ACE: variants seen among roughly 807,000 people sequenced by gnomAD.
ACE encodes angiotensin-converting enzyme.
A neutral mutation model predicts 162.3 loss-of-function variants in ACE; 122 were observed. That is an observed-to-expected ratio of 0.75 (90% CI 0.65 to 0.87). ACE has a LOEUF of 0.87. Ranked by LOEUF, ACE falls within the 40% of genes least tolerant of loss-of-function variation. The pLI is 0.00. For missense variants in ACE, 1,799 were observed against 1,735.1 expected (o/e 1.04, Z -0.65); for synonymous variants, 796 against 720.6 (o/e 1.10, Z -1.68).
At chr17:63,483,648 G>A in intron 10 of ACE, 90 bp downstream of exon 10, 1 of 1,360,220 alleles carries the variant, frequency 7.4e-7, no homozygotes, top group Non-Finnish European at 1.0e-6. Context: ...CATCCCCAGG[G>A]CTTGTCCCCA....
chr17:63,488,931 C>T lies in ACE; in HGVS notation c.2450-10C>T, dbSNP rs753983195. 4 of 1,613,830 alleles carry T rather than the reference C, an allele frequency of 2.5e-6. No homozygotes were observed. Among genetic ancestry groups the T allele is most frequent in the Admixed American group, 3.3e-5 (2 of 59,996 alleles). ...GGTGTTGGGAGAGCCTGGCTGTGTC[C>T]CCTCTGTAGGCTATGTAGATGCAGG... On this transcript the variant is annotated splice_polypyrimidine_tract_variant and intron_variant, in intron 16 of 24. Coordinates refer to ENST00000290866, the MANE Select transcript of ACE (RefSeq NM_000789.4).
At chr17:63,478,431 T>A in intron 2 of ACE, 1 of 360,674 alleles carries the variant, frequency 2.8e-6, no homozygotes, top group Non-Finnish European at 5.3e-6. Flanking sequence ...TTTGGGAGGC[T>A]GAGGTGGGCG....
Position 63,496,483 on chromosome 17 carries a change from T to C in ACE, c.3470T>C (p.Ile1157Thr), listed in dbSNP as rs1215104945. The C allele has an allele frequency of 1.2e-6, 2 of 1,614,164 alleles. No homozygotes were observed. Among genetic ancestry groups the C allele is most frequent in the Admixed American group, 1.7e-5 (1 of 60,032 alleles). The change falls in exon 23 of 25, where the codon ATC becomes ACC. Residue 1157 changes from isoleucine (I) to threonine (T), a missense_variant. Physicochemically the swap from Ile to Thr is moderately conservative, Grantham distance 89. Coordinates refer to ENST00000290866, the MANE Select transcript of ACE (RefSeq NM_000789.4). Reference sequence around the variant, plus strand: ...ACGGGCCCCCTGCACAAGTGTGACATCTACCAGTCCAAGGAGGCCGGGCAG... The same window carrying C: ...ACGGGCCCCCTGCACAAGTGTGACACCTACCAGTCCAAGGAGGCCGGGCAG... ...GHTGPLHKCD[I>T]YQSKEAGQRL...
intron 21 of ACE, 38 bp downstream of exon 21, chr17:63,494,104 C>T: frequency 1.2e-6 from 2 of 1,612,136 alleles, no homozygotes; most frequent in Non-Finnish European, 1.7e-6. Flanking sequence ...GCTGGGGGAT[C>T]TCTGCGAGTG....
In ACE at chr17:63,486,667, G is replaced by T. The variant is rs1488331662; in HGVS notation, c.2169G>T (p.Lys723Asn). 1.2e-6 allele frequency: 2 copies of T among 1,614,236 alleles called. No homozygotes were observed. The highest frequency in any genetic ancestry group is 1.7e-5 in the Admixed American group (1 of 60,028). ...QNTTIKRIIKKVQDLERAALP... is the reference protein window; with the variant it reads ...QNTTIKRIIKNVQDLERAALP... The stretch of plus-strand genomic sequence containing the variant: ...CCACTATCAAGCGGATCATAAAGAA[G>T]GTTCAGGACCTAGAACGGGCAGCAC... Residue 723 changes from lysine (K) to asparagine (N), a missense_variant, in exon 14 of 25, where the codon AAG (lysine) becomes AAT (asparagine). Transcript: ENST00000290866.
chr17:63,483,598 C>A, intron 10 of ACE, 40 bp downstream of exon 10: 1 of 1,394,578 alleles, frequency 7.2e-7, no homozygotes, highest in Non-Finnish European at 9.8e-7. Context: ...AGTACTGTCA[C>A]ACCCTCAATC....
rs746023421 is a variant in ACE at position 63,491,065 on chromosome 17, CA to C, written c.2739+15del. The C allele has an allele frequency of 6.8e-6, 11 of 1,613,914 alleles. No individual in the cohort carries two copies. In the African/African-American group the frequency reaches 1.5e-4, roughly 22 times the overall value. ...ATGCTAAAGCAGGTCCGCACCAGCC[CA>C]GGGGCAGGGAGGCCCCGCCGGGATG... On this transcript the variant is annotated intron_variant, in intron 18 of 24. Coordinates refer to ENST00000290866, the MANE Select transcript of ACE (RefSeq NM_000789.4). The surrounding 1 kb of genome is among the most constrained non-coding windows in gnomAD (Gnocchi z 4.4).
intron 23 of ACE, 45 bp downstream of exon 23, chr17:63,496,561 G>A (rs200735170): frequency 3.5e-5 from 56 of 1,612,956 alleles, no homozygotes; most frequent in East Asian, 1.3e-4. Flanking sequence ...TCTGGCCTGC[G>A]CCCCTGGGCC....
At chr17:63,482,380 C>T (rs2049724398) in intron 7 of ACE, 86 bp from the exon 8 acceptor site, 7 of 1,245,888 alleles carry the variant, frequency 5.6e-6, no homozygotes, top group Non-Finnish European at 7.0e-6. Flanking sequence ...TCATTCCTGT[C>T]TTTCAGGTGC....
intron 13 of ACE, 93 bp from the exon 14 acceptor site, chr17:63,486,464 C>A: frequency 7.0e-7 from 1 of 1,431,458 alleles, no homozygotes; most frequent in Non-Finnish European, 9.7e-7. Flanking sequence ...CCCTCACCAC[C>A]ACCTCCAGCC....
intron 17 of ACE, chr17:63,489,943 A>C (rs1222837676): frequency 2.6e-5 from 4 of 152,450 alleles, no homozygotes; most frequent in African/African-American, 9.7e-5. Context: ...ACTGGGAGAC[A>C]CAGGCCCCGG....
At chr17:63,486,951 G>T (rs1221928815) in intron 14 of ACE, 35 bp from the exon 15 acceptor site, 1 of 1,583,052 alleles carries the variant, frequency 6.3e-7, no homozygotes, top group Admixed American at 1.7e-5. Context: ...CAAGTGCAAA[G>T]GAGTACAGCT....
rs4358 is a variant in ACE, at chr17:63,494,546, G to A, written c.3380+76G>A. 0.021 allele frequency: 28,375 copies of A among 1,331,096 alleles called. 535 individuals carry two copies. The highest frequency in any genetic ancestry group is 0.088 in the African/African-American group (6,064 of 68,998). The allele number at this position is 1,331,096 out of a possible 1,614,324, so 82.5% of individuals were successfully genotyped here. A position where few individuals can be genotyped will look rare whatever the true frequency, so the allele number is the denominator to read the frequency against. On this transcript the variant is annotated intron_variant, in intron 22 of 24. Coordinates refer to ENST00000290866, the MANE Select transcript of ACE (RefSeq NM_000789.4). ...TGTGTTTCAACTGCGGCCACTGCCC[G>A]GTCCACAAGCTCTGTCAGTCAGGGC...
At position 63,484,570 on chromosome 17, in the gene ACE, G is replaced by C; in HGVS notation, c.1921+29G>C. ...AAGCCCTGAGTGAGGATGGTGTGGG[G>C]CTAAGGTGGGTCCTCAACTCTGGGC... On this transcript the variant is annotated intron_variant, in intron 12 of 24. Transcript: ENST00000290866. This position sits in a 1 kb window ranked among gnomAD's most constrained non-coding sequence, Gnocchi z 4.0. The C allele has an allele frequency of 6.3e-7, 1 of 1,593,946 alleles. No individual in the cohort carries two copies. Among genetic ancestry groups the C allele is most frequent in the African/African-American group, 1.3e-5 (1 of 74,742 alleles).
In ACE at chr17:63,481,698, C is replaced by T. The variant is rs199690936; in HGVS notation, c.1078C>T (p.His360Tyr). The T allele has an allele frequency of 4.3e-6, 7 of 1,614,210 alleles. No homozygotes were observed. In the Admixed American group the frequency reaches 8.3e-5, roughly 19 times the overall value. The stretch of plus-strand genomic sequence containing the variant: ...GGCCGACGGGCGGGAAGTGGTGTGC[C>T]ACGCCTCGGCTTGGGACTTCTACAA... ...KPADGREVVC[H>Y]ASAWDFYNRK... The change falls in exon 7 of 25, where the codon CAC becomes TAC. Residue 360 changes from histidine to tyrosine, a missense_variant. By Grantham distance (83) the His-to-Tyr change is moderately conservative. Transcript: ENST00000290866.
At position 63,479,683 on chromosome 17, in the gene ACE, G is replaced by A. The variant is rs2049674681; in HGVS notation, c.512-86G>A. 6 of 1,565,740 alleles carry A rather than the reference G, an allele frequency of 3.8e-6. No homozygotes were observed. The East Asian group carries it at 6.7e-5, about 18-fold the overall frequency. ...GATGTTCAGGAAGCTGGTGGGAGCA[G>A]TAAGGACTGGTGCAGGCTCTGGTGA... On this transcript the variant is annotated intron_variant, in intron 3 of 24. Transcript: ENST00000290866.
intron 3 of ACE, among the ~76,000 whole-genome samples, chr17:63,479,455 C>G (rs1015549883): frequency 6.6e-6 from 1 of 152,172 alleles, no homozygotes; most frequent in Non-Finnish European, 1.5e-5. Flanking sequence ...CGCTCCAGCC[C>G]CCTTTATGAG....
rs1422255253 is a variant in ACE, at chr17:63,491,684, G to A, written c.2912+303G>A. Among the ~76,000 whole-genome samples the A allele has an allele frequency of 6.6e-6, 1 of 152,168 alleles. No individual in the cohort carries two copies. Among genetic ancestry groups the A allele is most frequent in the Non-Finnish European group, 1.5e-5 (1 of 68,008 alleles). On this transcript the variant is annotated intron_variant, in intron 19 of 24. Transcript: ENST00000290866. This position sits in a 1 kb window ranked among gnomAD's most constrained non-coding sequence, Gnocchi z 4.4. Reference sequence around the variant, plus strand: ...GCGTCCCTCCTTGGGAGCAGCCCCTGCATGGAGCTGGCCTCTCCCTGGGGG... The same window carrying A: ...GCGTCCCTCCTTGGGAGCAGCCCCTACATGGAGCTGGCCTCTCCCTGGGGG...
intron 22 of ACE, among the ~76,000 whole-genome samples, chr17:63,494,958 G>T (rs1180591037): frequency 6.6e-6 from 1 of 152,134 alleles, no homozygotes; most frequent in Admixed American, 6.5e-5. Flanking sequence ...CACAGGCTGG[G>T]GTCAGACAGA....
Sources: allele counts gnomAD v4.1 joint callset (sites outside exome capture counted in the v4.1 genomes callset), GRCh38; gene constraint gnomAD v4.1.1; non-coding constraint Gnocchi (gnomAD v3.1); transcripts MANE v1.5; gene names NCBI Gene and HGNC (gene_info 2026-07-23, HGNC 2026-07-21).